RASGRF1: variants seen among roughly 807,000 people sequenced by gnomAD.
RASGRF1 encodes Ras protein specific guanine nucleotide releasing factor 1.
A neutral mutation model predicts 138.7 loss-of-function variants in RASGRF1; 40 were observed. The ratio of observed to expected loss-of-function variants is 0.29; its 90% confidence interval spans 0.22 to 0.38. The LOEUF (loss-of-function observed/expected upper bound fraction) is 0.38. RASGRF1 is among the 10% of genes least tolerant of loss of function. The pLI, the probability that RASGRF1 is intolerant of heterozygous loss-of-function variation, is 1.00. For synonymous variants in RASGRF1, 614 were observed against 663.2 expected, an observed-to-expected ratio of 0.93 and a Z score of 1.14; for missense variants, 1,108 against 1,650.4, an observed-to-expected ratio of 0.67 and a Z score of 5.69.
chr15:79,086,575 A>AC (rs35311944), intron 1 of RASGRF1, among the ~76,000 whole-genome samples: 3,511 of 134,486 alleles, frequency 0.026, 50 homozygotes, highest in Middle Eastern at 0.061. Context: ...AGGTTCTAAG[A>AC]CCCCCCCCCC....
chr15:79,064,407 C>A lies in RASGRF1; in HGVS notation c.383+13G>T. The A allele has an allele frequency of 6.2e-7, 1 of 1,611,832 alleles. No individual in the cohort carries two copies. The highest frequency in any genetic ancestry group is 8.5e-7 in the Non-Finnish European group (1 of 1,177,982). On this transcript the variant is annotated intron_variant, in intron 2 of 26. Transcript: ENST00000558480. ...TGGAGTAGGGGCTTCCTGCCCTGGG[C>A]AAGGAGACATACCTGGCATGTGCAA...
At chr15:79,090,144 C>G in intron 1 of RASGRF1, 79 bp downstream of exon 1, 1 of 1,456,340 alleles carries the variant, frequency 6.9e-7, no homozygotes. Context: ...AGTTCAAGCG[C>G]CATCAGCCAG....
chr15:78,970,049 A>G (rs1012778544), intron 26 of RASGRF1, among the ~76,000 whole-genome samples: 8 of 152,248 alleles, frequency 5.3e-5, no homozygotes, highest in Non-Finnish European at 1.2e-4. Flanking sequence ...AGTTCTCAGA[A>G]TATGGCAAAA....
intron 22 of RASGRF1, among the ~76,000 whole-genome samples, chr15:78,989,682 A>G (rs953170676): frequency 6.6e-6 from 1 of 152,194 alleles, no homozygotes; most frequent in Non-Finnish European, 1.5e-5. Context: ...AAACCTTAGG[A>G]GATTCCGAGG....
chr15:79,011,099 A>C (rs1004858845), intron 13 of RASGRF1, among the ~76,000 whole-genome samples: 1 of 152,068 alleles, frequency 6.6e-6, no homozygotes, highest in Non-Finnish European at 1.5e-5. Context: ...CAGCTAGGCT[A>C]TCCGCTCCCC....
chr15:79,088,156 C>G (rs939702609), intron 1 of RASGRF1, among the ~76,000 whole-genome samples: 2 of 152,172 alleles, frequency 1.3e-5, no homozygotes, highest in African/African-American at 4.8e-5. Context: ...AGGTCTGATT[C>G]TGCCACTGAT....
intron 15 of RASGRF1, among the ~76,000 whole-genome samples, chr15:79,003,137 G>A (rs536668417): frequency 1.8e-4 from 27 of 152,334 alleles, no homozygotes; most frequent in African/African-American, 6.0e-4. Flanking sequence ...TCTGCCTGGC[G>A]TCCAGCTGTC....
At chr15:79,001,090 C>G (rs754017133) in intron 16 of RASGRF1, among the ~76,000 whole-genome samples, 6 of 152,222 alleles carry the variant, frequency 3.9e-5, no homozygotes, top group Non-Finnish European at 8.8e-5. Flanking sequence ...TCTCAAGGAT[C>G]CTTCAGGATC....
intron 25 of RASGRF1, 66 bp from the exon 26 acceptor site, chr15:78,972,000 A>G: frequency 7.3e-7 from 1 of 1,361,866 alleles, no homozygotes; most frequent in Non-Finnish European, 1.1e-6. Context: ...AACTTTGCAG[A>G]GCTGAAGGGG....
rs2057636544 is a variant in RASGRF1 at position 79,063,521 on chromosome 15, A to G, written c.383+899T>C. On this transcript the variant is annotated intron_variant, in intron 2 of 26. Coordinates refer to ENST00000558480, the MANE Select transcript of RASGRF1 (RefSeq NM_001145648.3). ...TTATCTTCCATATATAAACTCAACA[A>G]CCAGCTTTGCATCCATCCTCCAACC... 6.6e-5 allele frequency among the ~76,000 whole-genome samples: 10 copies of G among 152,236 alleles called. 1 individual carries two copies. In the South Asian group the frequency reaches 2.1e-3, roughly 32 times the overall value.
At chr15:78,978,236 T>G (rs1273057384) in intron 24 of RASGRF1, 1 of 102,706 alleles carries the variant, frequency 9.7e-6, no homozygotes, top group Non-Finnish European at 2.2e-5. Context: ...TTTTTTTTTT[T>G]TTTTTTTTGA....
intron 1 of RASGRF1, among the ~76,000 whole-genome samples, chr15:79,089,899 C>A (rs1371747616): frequency 6.6e-6 from 1 of 152,218 alleles, no homozygotes; most frequent in African/African-American, 2.4e-5. Flanking sequence ...TGTGTCCAGA[C>A]TCATCGTCTC....
At chr15:79,003,058 C>G (rs1288300861) in intron 15 of RASGRF1, among the ~76,000 whole-genome samples, 1 of 152,138 alleles carries the variant, frequency 6.6e-6, no homozygotes, top group Non-Finnish European at 1.5e-5. Flanking sequence ...CAGGAGAAAC[C>G]CTGAGAGTAG....
At chr15:78,970,231 G>A (rs974615868) in intron 26 of RASGRF1, among the ~76,000 whole-genome samples, 6 of 152,086 alleles carry the variant, frequency 3.9e-5, no homozygotes, top group African/African-American at 1.2e-4. Context: ...AAAGGTCATA[G>A]GATTGGAGGC....
At chr15:79,023,394 G>T (rs968525362) in intron 10 of RASGRF1, among the ~76,000 whole-genome samples, 3 of 152,212 alleles carry the variant, frequency 2.0e-5, no homozygotes, top group Admixed American at 6.5e-5. Context: ...GTGGACAGGG[G>T]CAGGAGTCTT....
chr15:78,985,176 A>G lies in RASGRF1; in HGVS notation c.3245T>C (p.Ile1082Thr), dbSNP rs1430694294. ...DISNLIASEI[I>T]RNEDINARVS... ...CCTGGCGTTGATGTCCTCATTGCGG[A>G]TGATTTCTGAAGCAATCAAGTTACT... is the stretch of plus-strand genomic sequence containing the variant. Residue 1082 changes from isoleucine to threonine, a missense_variant, in exon 23 of 27, where the codon ATC becomes ACC. Physicochemically the swap from Ile to Thr is moderately conservative, Grantham distance 89. Coordinates refer to ENST00000558480, the MANE Select transcript of RASGRF1 (RefSeq NM_001145648.3). 6.2e-7 allele frequency: 1 copy of G among 1,611,734 alleles called. No individual in the cohort carries two copies. Among genetic ancestry groups the G allele is most frequent in the Non-Finnish European group, 8.5e-7 (1 of 1,177,836 alleles).
At chr15:79,085,788 G>A (rs2057971214) in intron 1 of RASGRF1, among the ~76,000 whole-genome samples, 1 of 152,138 alleles carries the variant, frequency 6.6e-6, no homozygotes, top group Non-Finnish European at 1.5e-5. Flanking sequence ...TGAGTGTTTT[G>A]AAGACAAAGA....
chr15:79,057,185 C>T (rs74957027), intron 3 of RASGRF1, among the ~76,000 whole-genome samples: 1,616 of 152,246 alleles, frequency 0.011, 28 homozygotes, highest in African/African-American at 0.037. Context: ...GTCCAGTGTG[C>T]GCCCCATGGT....
intron 23 of RASGRF1, 132 bp from the exon 24 acceptor site, chr15:78,980,831 T>A: frequency 1.7e-6 from 1 of 604,632 alleles, no homozygotes; most frequent in Non-Finnish European, 2.8e-6. Context: ...TCTGGGGGCC[T>A]CCTGTGTTTG....
Sources: allele counts gnomAD v4.1 joint callset (sites outside exome capture counted in the v4.1 genomes callset), GRCh38; gene constraint gnomAD v4.1.1; transcripts MANE v1.5; gene names NCBI Gene and HGNC (gene_info 2026-07-23, HGNC 2026-07-21).